Variants in CEP112 observed in about 807,000 individuals in gnomAD.
CEP112 encodes centrosomal protein of 112 kDa.
A neutral mutation model predicts 153.0 loss-of-function variants in CEP112; 127 were observed. The ratio of observed to expected loss-of-function variants is 0.83; its 90% CI spans 0.72 to 0.96. The LOEUF is 0.96. CEP112 is among the 40% of genes least tolerant of loss of function. The probability of loss-of-function intolerance (pLI) is 0.00; values close to 1 mark genes in which losing one functional copy is unlikely to be tolerated. For missense variants in CEP112, 1,089 were observed against 1,101.2 expected, an observed-to-expected ratio of 0.99 and a Z score of 0.16; for synonymous variants, 358 against 374.4, an observed-to-expected ratio of 0.96 and a Z score of 0.51.
In CEP112 at chr17:66,029,924, C is replaced by G. The variant is rs2065391764; in HGVS notation, c.1318G>C (p.Glu440Gln). Residue 440 changes from glutamate to glutamine, a missense_variant, in exon 13 of 27, where the codon GAA (glutamate) becomes CAA (glutamine). Coordinates refer to ENST00000535342, the MANE Select transcript of CEP112 (RefSeq NM_001199165.4). ...GTTATCTGGTAACATCTTTCAAGTT[C>G]TGCTTTTTCTTGAATTAATTTCTGC... ...QRQKLIQEKA[E>Q]LERCYQITCS... 1 of 1,613,702 alleles carries G rather than the reference C, an allele frequency of 6.2e-7. No individual in the cohort carries two copies. Among genetic ancestry groups the G allele is most frequent in the East Asian group, 2.2e-5 (1 of 44,860 alleles).
At chr17:65,883,267 T>C (rs1014640351) in intron 20 of CEP112, among the ~76,000 whole-genome samples, 2 of 150,942 alleles carry the variant, frequency 1.3e-5, no homozygotes, top group Admixed American at 6.6e-5. Context: ...AGTTTACATA[T>C]ATATATATAT....
At chr17:65,861,667 C>A (rs1568130279) in intron 20 of CEP112, among the ~76,000 whole-genome samples, 1 of 152,184 alleles carries the variant, frequency 6.6e-6, no homozygotes, top group African/African-American at 2.4e-5. Context: ...TTAGTCATCA[C>A]AAATGCAAAT....
chr17:65,652,348 G>A (rs2045826802), intron 24 of CEP112, among the ~76,000 whole-genome samples: 1 of 151,924 alleles, frequency 6.6e-6, no homozygotes, highest in Non-Finnish European at 1.5e-5. Flanking sequence ...TTCTTATCAG[G>A]AAAATAACTT....
At chr17:65,823,192 G>A (rs1214886542) in intron 21 of CEP112, among the ~76,000 whole-genome samples, 1 of 151,940 alleles carries the variant, frequency 6.6e-6, no homozygotes, top group Admixed American at 6.6e-5. Flanking sequence ...TCATTATGCT[G>A]ATTCTAAGAA....
At chr17:66,100,150 G>A (rs2068507259) in intron 6 of CEP112, among the ~76,000 whole-genome samples, 1 of 151,966 alleles carries the variant, frequency 6.6e-6, no homozygotes, top group Non-Finnish European at 1.5e-5. Context: ...GGACATGGTG[G>A]CTCATGCCTG....
rs943724072 is a variant in CEP112 at position 65,668,875 on chromosome 17, T to C, written c.2697+20254A>G. Among the ~76,000 whole-genome samples the C allele has an allele frequency of 2.6e-5, 4 of 152,212 alleles. No individual in the cohort carries two copies. In the East Asian group the frequency reaches 5.8e-4, roughly 22 times the overall value. ...CATGAGATGCTTTTCTTTGGTTCCA[T>C]TGGCCTCTCCTTTCTCTCTCCATCA... On this transcript the variant is annotated intron_variant, in intron 24 of 26. Coordinates refer to ENST00000535342, the MANE Select transcript of CEP112 (RefSeq NM_001199165.4).
intron 17 of CEP112, among the ~76,000 whole-genome samples, chr17:65,967,773 C>T (rs1025274216): frequency 6.6e-5 from 10 of 152,070 alleles, no homozygotes; most frequent in African/African-American, 2.4e-4. Flanking sequence ...AAACTAACTT[C>T]TGCCTGTAAT....
intron 24 of CEP112, among the ~76,000 whole-genome samples, chr17:65,654,142 G>A (rs1306489687): frequency 2.0e-5 from 3 of 151,062 alleles, no homozygotes; most frequent in Non-Finnish European, 4.4e-5. Context: ...TAGTACAGGT[G>A]AGAAAATGTA....
chr17:65,957,093 C>A (rs2062028586), intron 18 of CEP112, among the ~76,000 whole-genome samples: 1 of 152,076 alleles, frequency 6.6e-6, no homozygotes, highest in Admixed American at 6.6e-5. Context: ...CTTATGAATT[C>A]TTTATTTCTG....
At chr17:66,072,611 A>G (rs2067344804) in intron 8 of CEP112, among the ~76,000 whole-genome samples, 2 of 152,156 alleles carry the variant, frequency 1.3e-5, no homozygotes, top group Admixed American at 1.3e-4. Flanking sequence ...TTTTCATTGC[A>G]TCATATTAGA....
intron 18 of CEP112, among the ~76,000 whole-genome samples, chr17:65,942,482 A>G (rs1358087424): frequency 6.6e-6 from 1 of 152,204 alleles, no homozygotes; most frequent in Non-Finnish European, 1.5e-5. Flanking sequence ...ACTGCAATTC[A>G]GCCTTCTCCT....
At chr17:66,138,104 C>T (rs1166892295) in intron 4 of CEP112, among the ~76,000 whole-genome samples, 1 of 152,120 alleles carries the variant, frequency 6.6e-6, no homozygotes, top group African/African-American at 2.4e-5. Context: ...GGGAAGAAGG[C>T]TTTATTTGGG....
intron 23 of CEP112, among the ~76,000 whole-genome samples, chr17:65,728,130 T>C (rs919534716): frequency 1.3e-5 from 2 of 152,228 alleles, no homozygotes; most frequent in African/African-American, 2.4e-5. Context: ...ACTAGGACTA[T>C]ATGGCCTGCA....
rs553434899 is a variant in CEP112, at chr17:66,113,198, G to T, written c.642+16548C>A. 7.8e-5 allele frequency among the ~76,000 whole-genome samples: 9 copies of T among 115,204 alleles called. No homozygotes were observed. In the East Asian group the frequency reaches 2.0e-3, roughly 25 times the overall value. 75.6% of individuals were successfully genotyped at this position (115,204 alleles called of 152,430 possible). ...AGTACATGCAATTAAATATGTACCA[G>T]CTGAAGGTATAAATATGCATCGTCA... On this transcript the variant is annotated intron_variant, in intron 6 of 26. Transcript: ENST00000535342.
chr17:65,980,675 C>A (rs2063195135), intron 17 of CEP112, among the ~76,000 whole-genome samples: 2 of 152,180 alleles, frequency 1.3e-5, no homozygotes, highest in African/African-American at 4.8e-5. Flanking sequence ...TACTCTGTTA[C>A]CAATTCTTCA....
At chr17:65,921,891 A>T (rs1686877160) in intron 19 of CEP112, among the ~76,000 whole-genome samples, 1 of 151,838 alleles carries the variant, frequency 6.6e-6, no homozygotes, top group African/African-American at 2.4e-5. Flanking sequence ...AAATTTATAT[A>T]TTTTTTTTAC....
chr17:66,178,037 T>A (rs1180143532), intron 2 of CEP112, among the ~76,000 whole-genome samples: 1 of 152,170 alleles, frequency 6.6e-6, no homozygotes, highest in African/African-American at 2.4e-5. Context: ...AGTGCAGATA[T>A]CTCTTGGATA....
chr17:65,940,374 G>A (rs1309984430), intron 18 of CEP112, among the ~76,000 whole-genome samples: 5 of 152,038 alleles, frequency 3.3e-5, no homozygotes, highest in Admixed American at 2.0e-4. Context: ...TCATCCAGCA[G>A]TCCCACTACT....
chr17:65,637,238 A>G, intron 25 of CEP112, 50 bp from the exon 26 acceptor site: 1 of 1,207,500 alleles, frequency 8.3e-7, no homozygotes, highest in Admixed American at 1.7e-5. Flanking sequence ...TTACATGTCA[A>G]TATTGTGCAA....
Sources: allele counts gnomAD v4.1 joint callset (sites outside exome capture counted in the v4.1 genomes callset), GRCh38; gene constraint gnomAD v4.1.1; transcripts MANE v1.5; gene names NCBI Gene and HGNC (gene_info 2026-07-23, HGNC 2026-07-21).